The following TRPM3 variants were observed in gnomAD, a reference collection of about 807,000 sequenced individuals.
The protein encoded by TRPM3 is transient receptor potential cation channel subfamily M member 3.
A neutral mutation model predicts 181.2 loss-of-function variants in TRPM3; 77 were observed. The ratio of observed to expected loss-of-function variants is 0.42; its 90% confidence interval spans 0.35 to 0.51. TRPM3 has a LOEUF of 0.51. TRPM3 is among the 20% of genes least tolerant of loss of function. The pLI is 0.01. For missense variants in TRPM3, 1,759 were observed against 2,196.7 expected, an observed-to-expected ratio of 0.80 and a Z score of 3.98; for synonymous variants, 745 against 796.4, an observed-to-expected ratio of 0.94 and a Z score of 1.09.
chr9:71,162,154 C>T (rs1433181142), intron 1 of TRPM3, among the ~76,000 whole-genome samples: 16 of 129,978 alleles, frequency 1.2e-4, no homozygotes, highest in South Asian at 7.6e-4. Context: ...GAGGTAAGAT[C>T]GTGCCACTGC....
chr9:71,279,069 AC>A (rs2084482723), intron 1 of TRPM3, among the ~76,000 whole-genome samples: 8 of 150,202 alleles, frequency 5.3e-5, no homozygotes, highest in Non-Finnish European at 8.9e-5. Context: ...AAATAAAAAA[AC>A]CACCAACGAC....
intron 1 of TRPM3, among the ~76,000 whole-genome samples, chr9:71,261,453 C>T (rs1206654187): frequency 6.6e-6 from 1 of 152,174 alleles, no homozygotes; most frequent in African/African-American, 2.4e-5. Flanking sequence ...TTATAACATG[C>T]TCCTTTAGCT....
At chr9:70,677,741 T>G (rs1403300636) in intron 9 of TRPM3, among the ~76,000 whole-genome samples, 1 of 152,206 alleles carries the variant, frequency 6.6e-6, no homozygotes, top group Non-Finnish European at 1.5e-5. Flanking sequence ...AAAAATAAGA[T>G]CAAACATATT....
chr9:70,652,857 GGTGAGGTAGAAGCT>G (rs2059762121), intron 9 of TRPM3, among the ~76,000 whole-genome samples: 1 of 152,168 alleles, frequency 6.6e-6, no homozygotes, highest in African/African-American at 2.4e-5. Context: ...GAATAAGTTT[GGTGAGGTAGAAGCT>G]GGGATGTAAG....
At position 70,639,060 on chromosome 9, in the gene TRPM3, C is replaced by T. The variant is rs774645706; in HGVS notation, c.1581G>A (p.Thr527=). The change falls in exon 11 of 26, where the codon ACG becomes ACA. Residue 527 remains threonine, a splice_region_variant and synonymous_variant. Transcript: ENST00000677713. ...TISRLEELYN[T]RHGPSNTLYH... is the part of the protein sequence containing the mutation. Reference sequence around the variant, plus strand: ...AAAAAGTGCCTTAGTTTGGCCCTACCGTATTGTACAATTCCTCTAGTCTGG... The same window carrying T: ...AAAAAGTGCCTTAGTTTGGCCCTACTGTATTGTACAATTCCTCTAGTCTGG... 2 of 1,612,962 alleles carry T rather than the reference C, an allele frequency of 1.2e-6. No individual in the cohort carries two copies. The highest frequency in any genetic ancestry group is 8.5e-7 in the Non-Finnish European group (1 of 1,179,584).
At chr9:71,094,473 ACTT>A (rs1442581094) in intron 1 of TRPM3, among the ~76,000 whole-genome samples, 2 of 152,040 alleles carry the variant, frequency 1.3e-5, no homozygotes, top group African/African-American at 4.8e-5. Context: ...CTGCTTCTCT[ACTT>A]CTTTTCTATT....
chr9:70,989,310 C>G (rs1639381655), intron 1 of TRPM3, among the ~76,000 whole-genome samples: 1 of 152,046 alleles, frequency 6.6e-6, no homozygotes, highest in Non-Finnish European at 1.5e-5. Context: ...ATAAAAAGAG[C>G]ATATCCACTA....
At chr9:70,848,976 C>CA (rs749477799) in intron 3 of TRPM3, among the ~76,000 whole-genome samples, 5,419 of 11,926 alleles carry the variant, frequency 0.45, 1,943 homozygotes, top group African/African-American at 0.67. Context: ...GACTCCGTCT[C>CA]AAAAAAAAAA....
chr9:70,961,136 G>A (rs983627453), intron 1 of TRPM3, among the ~76,000 whole-genome samples: 2 of 152,156 alleles, frequency 1.3e-5, no homozygotes, highest in African/African-American at 2.4e-5. Flanking sequence ...GAAGGCAGGC[G>A]AGTAGGAGTC....
chr9:71,109,064 A>C (rs762503526), intron 1 of TRPM3, among the ~76,000 whole-genome samples: 6 of 130,104 alleles, frequency 4.6e-5, no homozygotes, highest in Non-Finnish European at 8.1e-5. Context: ...AAGGAATGCC[A>C]GCAGACTGTC....
chr9:71,103,487 A>T (rs2068799034), intron 1 of TRPM3, among the ~76,000 whole-genome samples: 1 of 152,190 alleles, frequency 6.6e-6, no homozygotes, highest in Non-Finnish European at 1.5e-5. Context: ...AATATTAAAT[A>T]TTGGTAAACT....
At chr9:71,438,165 T>C (rs1589029500) in intron 1 of TRPM3, among the ~76,000 whole-genome samples, 1 of 152,162 alleles carries the variant, frequency 6.6e-6, no homozygotes, top group East Asian at 1.9e-4. Context: ...ATAAGTACAT[T>C]TCTCTGACAA....
chr9:70,877,856 A>T (rs1609626), intron 1 of TRPM3, among the ~76,000 whole-genome samples: 24,788 of 147,606 alleles, frequency 0.17, 2,419 homozygotes, highest in African/African-American at 0.28. Flanking sequence ...GGCTCTGGGA[A>T]GCTATATATA....
rs372801917 is a variant in TRPM3 at position 70,737,606 on chromosome 9, T to C, written c.1272+23995A>G. ...AATGGATAAGAATTCACCAACCAAG[T>C]ATTTGTTATCTTCAAGAGACTCACC... On this transcript the variant is annotated intron_variant, in intron 8 of 25. Transcript: ENST00000677713. Among the ~76,000 whole-genome samples the C allele has an allele frequency of 3.1e-5, 4 of 127,726 alleles. No homozygotes were observed. In the South Asian group the frequency reaches 1.2e-3, roughly 38 times the overall value. 83.8% of individuals were successfully genotyped at this position (127,726 alleles called of 152,430 possible). A position where few individuals can be genotyped will look rare whatever the true frequency, so the allele number is the denominator to read the frequency against.
chr9:70,784,670 G>A (rs1055225397), intron 6 of TRPM3, among the ~76,000 whole-genome samples: 3 of 152,142 alleles, frequency 2.0e-5, no homozygotes, highest in Non-Finnish European at 4.4e-5. Flanking sequence ...TTTCCAATGA[G>A]TCTGTTTCCT....
intron 1 of TRPM3, among the ~76,000 whole-genome samples, chr9:71,403,272 G>A (rs753666388): frequency 6.6e-6 from 1 of 152,180 alleles, no homozygotes; most frequent in Non-Finnish European, 1.5e-5. Context: ...TTTAGCAATT[G>A]TAACAGATAC....
intron 1 of TRPM3, among the ~76,000 whole-genome samples, chr9:71,410,374 GAAGTA>G (rs1474176334): frequency 1.3e-5 from 2 of 152,042 alleles, no homozygotes; most frequent in African/African-American, 2.4e-5. Flanking sequence ...GACTAGTAAA[GAAGTA>G]AAGAAAGAAG....
At chr9:70,551,512 T>C (rs1017191354) in intron 24 of TRPM3, among the ~76,000 whole-genome samples, 1 of 152,244 alleles carries the variant, frequency 6.6e-6, no homozygotes, top group Non-Finnish European at 1.5e-5. Context: ...TCAGGTTCTC[T>C]GGCCTTCTTT....
chr9:70,655,135 G>A lies in TRPM3; in HGVS notation c.1346-14475C>T, dbSNP rs370584159. On this transcript the variant is annotated intron_variant, in intron 9 of 25. Coordinates refer to ENST00000677713, the MANE Select transcript of TRPM3 (RefSeq NM_001366145.2). Reference sequence around the variant, plus strand: ...AGCCTGACCAACATGGTGAAACCCCGTCTCTGCTAAAAATACAAAAATTAG... The same window carrying A: ...AGCCTGACCAACATGGTGAAACCCCATCTCTGCTAAAAATACAAAAATTAG... 5.5e-4 allele frequency among the ~76,000 whole-genome samples: 83 copies of A among 149,762 alleles called. 1 individual carries two copies. In the East Asian group the frequency reaches 0.013, roughly 24 times the overall value.
Sources: gnomAD v4.1 joint callset for allele counts (sites outside exome capture counted in the v4.1 genomes callset) on GRCh38, gnomAD v4.1.1 for gene constraint, MANE v1.5 for transcripts, NCBI Gene and HGNC (gene_info 2026-07-23, HGNC 2026-07-21) for gene names.